GNAQ: variants seen among roughly 807,000 people sequenced by gnomAD.
The protein encoded by GNAQ is G protein subunit alpha q, also known as guanine nucleotide-binding protein G(q) subunit alpha.
A neutral mutation model predicts 43.9 loss-of-function variants in GNAQ; 8 were observed. The observed-to-expected ratio is 0.18, with a 90% CI of 0.11 to 0.33. The LOEUF (loss-of-function observed/expected upper bound fraction) is 0.33, where lower values mean the gene tolerates loss of function less well. Among genes scored for constraint, GNAQ ranks in the 10% least tolerant of loss-of-function variants. The probability of loss-of-function intolerance (pLI) is 1.00; values close to 1 mark genes in which losing one functional copy is unlikely to be tolerated. For synonymous variants in GNAQ, 155 were observed against 170.7 expected (o/e 0.91, Z 0.71); for missense variants, 158 against 450.8 (o/e 0.35, Z 5.88).
chr9:77,886,510 G>A (rs893248005), intron 2 of GNAQ, among the ~76,000 whole-genome samples: 2 of 152,018 alleles, frequency 1.3e-5, no homozygotes, highest in African/African-American at 2.4e-5. Flanking sequence ...CCTGGAATGA[G>A]CTTTGAATTT....
chr9:77,956,256 T>C (rs1323100523), intron 1 of GNAQ, among the ~76,000 whole-genome samples: 2 of 152,130 alleles, frequency 1.3e-5, no homozygotes, highest in African/African-American at 2.4e-5. Flanking sequence ...GACCCCAAAA[T>C]TGAAGCCGAA....
intron 5 of GNAQ, among the ~76,000 whole-genome samples, chr9:77,737,190 C>T (rs569409713): frequency 6.6e-6 from 1 of 152,202 alleles, no homozygotes; most frequent in Admixed American, 6.5e-5. Context: ...GCTATCATCT[C>T]GTGGCAGTGC....
At chr9:77,972,829 T>G (rs941830196) in intron 1 of GNAQ, among the ~76,000 whole-genome samples, 5 of 151,824 alleles carry the variant, frequency 3.3e-5, no homozygotes, top group African/African-American at 1.2e-4. Context: ...GGTGGGCACC[T>G]GTAATCTCAG....
chr9:77,775,957 A>C (rs1199126221), intron 5 of GNAQ, among the ~76,000 whole-genome samples: 6 of 152,208 alleles, frequency 3.9e-5, no homozygotes, highest in African/African-American at 7.2e-5. Flanking sequence ...AAGAAAAAGA[A>C]AAAAATTCAA....
At chr9:77,946,331 C>A (rs1288719714) in intron 1 of GNAQ, among the ~76,000 whole-genome samples, 1 of 152,188 alleles carries the variant, frequency 6.6e-6, no homozygotes, top group Non-Finnish European at 1.5e-5. Context: ...GAGAATCACA[C>A]TGCCAACCAA....
intron 1 of GNAQ, among the ~76,000 whole-genome samples, chr9:77,949,287 ACTTCAGTC>A (rs1283231461): frequency 6.6e-6 from 1 of 152,172 alleles, no homozygotes; most frequent in Non-Finnish European, 1.5e-5. Flanking sequence ...CAAGGATGGA[ACTTCAGTC>A]CTTAGGGGCA....
rs1465079513 is a variant in GNAQ, at chr9:77,807,051, A to G, written c.476+8565T>C. ...TGAGATTAGAACTTTCATTTTGACA[A>G]GGATGATCAGGTCTGGAGAGCTGGT... On this transcript the variant is annotated intron_variant, in intron 3 of 6. Transcript: ENST00000286548. Among the ~76,000 whole-genome samples the G allele has an allele frequency of 2.6e-5, 4 of 152,196 alleles. No homozygotes were observed. The East Asian group carries it at 7.7e-4, about 29-fold the overall frequency.
intron 3 of GNAQ, among the ~76,000 whole-genome samples, chr9:77,811,185 T>A (rs1187095566): frequency 6.6e-6 from 1 of 152,102 alleles, no homozygotes; most frequent in African/African-American, 2.4e-5. Context: ...CCAAAAGAAG[T>A]TGGTCCTAAG....
chr9:77,833,245 G>A (rs569142523), intron 2 of GNAQ, among the ~76,000 whole-genome samples: 32 of 152,318 alleles, frequency 2.1e-4, no homozygotes, highest in African/African-American at 7.2e-4. Flanking sequence ...TGGGATTACA[G>A]GCGTGAGCCA....
chr9:77,914,515 A>G (rs965269053), intron 2 of GNAQ, among the ~76,000 whole-genome samples: 4 of 152,136 alleles, frequency 2.6e-5, no homozygotes, highest in African/African-American at 9.7e-5. Context: ...ACAAAAAATT[A>G]GACAGGCATG....
intron 1 of GNAQ, among the ~76,000 whole-genome samples, chr9:77,990,665 A>G (rs1307892277): frequency 6.6e-6 from 1 of 152,248 alleles, no homozygotes; most frequent in East Asian, 1.9e-4. Flanking sequence ...ATATACAAGC[A>G]CACATGTATG....
intron 1 of GNAQ, among the ~76,000 whole-genome samples, chr9:77,957,311 C>G (rs1823053421): frequency 6.6e-6 from 1 of 151,942 alleles, no homozygotes; most frequent in Admixed American, 6.6e-5. Context: ...AGCTGAGATT[C>G]CGCCATTGCA....
At chr9:77,798,385 AC>A (rs1414453887) in intron 3 of GNAQ, among the ~76,000 whole-genome samples, 1 of 152,172 alleles carries the variant, frequency 6.6e-6, no homozygotes, top group Non-Finnish European at 1.5e-5. Context: ...ATTTCCCTGT[AC>A]CCTTTACCCA....
intron 2 of GNAQ, among the ~76,000 whole-genome samples, chr9:77,887,955 A>C (rs1828339421): frequency 6.6e-6 from 1 of 152,196 alleles, no homozygotes; most frequent in Non-Finnish European, 1.5e-5. Context: ...GTAGTTCTCA[A>C]AGTGTAATCG....
chr9:77,766,192 C>T (rs1826134140), intron 5 of GNAQ, among the ~76,000 whole-genome samples: 1 of 152,042 alleles, frequency 6.6e-6, no homozygotes, highest in Non-Finnish European at 1.5e-5. Flanking sequence ...CTGTATCTAA[C>T]ACAAAAATTA....
intron 5 of GNAQ, among the ~76,000 whole-genome samples, chr9:77,736,162 A>G (rs180918275): frequency 3.9e-5 from 6 of 152,366 alleles, no homozygotes; most frequent in Admixed American, 1.3e-4. Flanking sequence ...CTGGAAAGTC[A>G]TCCAGGTTTC....
chr9:77,911,496 TA>T (rs1171124002), intron 2 of GNAQ, among the ~76,000 whole-genome samples: 1 of 152,186 alleles, frequency 6.6e-6, no homozygotes, highest in Admixed American at 6.6e-5. Context: ...TAAAATACTA[TA>T]GTTAATAAAA....
intron 1 of GNAQ, among the ~76,000 whole-genome samples, chr9:77,981,022 C>A (rs756025072): frequency 6.6e-6 from 1 of 152,216 alleles, no homozygotes; most frequent in Non-Finnish European, 1.5e-5. Context: ...CAGACTCCCA[C>A]ACACTTACAA....
intron 2 of GNAQ, among the ~76,000 whole-genome samples, chr9:77,901,203 T>C (rs1437450395): frequency 1.3e-5 from 2 of 152,100 alleles, no homozygotes; most frequent in Admixed American, 1.3e-4. Context: ...GCCACCTGTA[T>C]TCCAAAAACA....
Sources: allele counts gnomAD v4.1 joint callset (sites outside exome capture counted in the v4.1 genomes callset), GRCh38; gene constraint gnomAD v4.1.1; transcripts MANE v1.5; gene names NCBI Gene and HGNC (gene_info 2026-07-23, HGNC 2026-07-21).